SIGLEC5: variants seen among roughly 807,000 people sequenced by gnomAD.
SIGLEC5 encodes the protein sialic acid binding Ig like lectin 5.
SIGLEC5 carries 34 observed loss-of-function variants against 45.9 expected under a neutral mutation model. That is an observed-to-expected ratio of 0.74 (90% CI 0.56 to 0.99). The LOEUF (loss-of-function observed/expected upper bound fraction) is 0.99, where lower values mean the gene tolerates loss of function less well. Among genes scored for constraint, SIGLEC5 ranks in the 50% least tolerant of loss-of-function variants. The probability of loss-of-function intolerance (pLI) is 0.00; values close to 1 mark genes in which losing one functional copy is unlikely to be tolerated. For synonymous variants in SIGLEC5, 203 were observed against 258.6 expected, an observed-to-expected ratio of 0.79 and a Z score of 2.06; for missense variants, 508 against 629.6, an observed-to-expected ratio of 0.81 and a Z score of 2.07.
chr19:51,614,973 CAG>C (rs529379716), intron 8 of SIGLEC5, among the ~76,000 whole-genome samples: 28 of 152,240 alleles, frequency 1.8e-4, no homozygotes, highest in African/African-American at 6.7e-4. Context: ...AACAAAAAAA[CAG>C]AGAGGTTCAT....
chr19:51,619,078 G>A (rs1170137624), intron 8 of SIGLEC5, among the ~76,000 whole-genome samples: 1 of 152,104 alleles, frequency 6.6e-6, no homozygotes, highest in Non-Finnish European at 1.5e-5. Flanking sequence ...TAACACACTG[G>A]ACTGTTAATT....
intron 8 of SIGLEC5, among the ~76,000 whole-genome samples, chr19:51,616,149 C>A (rs1464142938): frequency 2.0e-5 from 3 of 152,174 alleles, no homozygotes; most frequent in African/African-American, 7.2e-5. Flanking sequence ...AGAAACACTG[C>A]CAGAGTAGCC....
intron 8 of SIGLEC5, among the ~76,000 whole-genome samples, chr19:51,618,576 G>A (rs1983161075): frequency 6.6e-6 from 1 of 151,150 alleles, no homozygotes; most frequent in Admixed American, 6.6e-5. Context: ...CAGATCACTT[G>A]AGCCCAGGAG....
Position 51,619,445 on chromosome 19 carries a change from A to G in SIGLEC5, c.1464+6587T>C, listed in dbSNP as rs1055355909. Among the ~76,000 whole-genome samples the G allele has an allele frequency of 4.6e-5, 7 of 152,216 alleles. No homozygotes were observed. In the East Asian group the frequency reaches 1.3e-3, roughly 29 times the overall value. On this transcript the variant is annotated intron_variant, in intron 8 of 8. Transcript: ENST00000683636. ...CAAAAATTCATTGTATACAGGCCAC[A>G]GATCAAGTCTCAACAAATTTTAAAA... is the stretch of plus-strand genomic sequence containing the variant.
intron 8 of SIGLEC5, among the ~76,000 whole-genome samples, chr19:51,619,090 A>G (rs1983183913): frequency 6.6e-6 from 1 of 152,160 alleles, no homozygotes; most frequent in African/African-American, 2.4e-5. Context: ...CTGTTAATTT[A>G]AGAAATAAAA....
Position 51,626,223 on chromosome 19 carries a change from C to T in SIGLEC5, c.1383-110G>A, listed in dbSNP as rs548998635. 39 of 807,040 alleles carry T rather than the reference C, an allele frequency of 4.8e-5. 1 individual carries two copies. The East Asian group carries it at 7.5e-4, about 16-fold the overall frequency. The allele number at this position is 807,040 out of a possible 1,614,324, so 50.0% of individuals were successfully genotyped here. On this transcript the variant is annotated intron_variant, in intron 7 of 8. Transcript: ENST00000683636. ...AATGACAATGAAGCCATCCAGGCCC[C>T]GGAACTAAACTCGGAGACCTTCCTG...
At position 51,627,924 on chromosome 19, in the gene SIGLEC5, G is replaced by C; in HGVS notation, c.907C>G (p.Arg303Gly). ...CCTCCTTCTTCTGCAGACCTTACTC[G>C]ACGAAGCTCCAAGATCCCGGTATTG... ...ISNTGILELR[R>G]VRSAEEGGFT... Residue 303 changes from arginine (R) to glycine (G), a missense_variant, in exon 5 of 9, where the codon CGA (arginine) becomes GGA (glycine). By Grantham distance (125) the Arg-to-Gly change is moderately radical. Transcript: ENST00000683636. 23 of 1,614,104 alleles carry C rather than the reference G, an allele frequency of 1.4e-5. No individual in the cohort carries two copies. The highest frequency in any genetic ancestry group is 1.9e-5 in the Non-Finnish European group (23 of 1,180,000).
chr19:51,615,287 T>C (rs1015057509), intron 8 of SIGLEC5, among the ~76,000 whole-genome samples: 1 of 152,132 alleles, frequency 6.6e-6, no homozygotes, highest in African/African-American at 2.4e-5. Flanking sequence ...ATCACACTGA[T>C]ATCCCTAGGG....
rs766651781 is a variant in SIGLEC5, at chr19:51,629,957, C to G, written c.297G>C (p.Lys99Asn). 1.9e-6 allele frequency: 2 copies of G among 1,043,760 alleles called. No individual in the cohort carries two copies. The highest frequency in any genetic ancestry group is 2.8e-6 in the Non-Finnish European group (2 of 724,668). The allele number at this position is 1,043,760 out of a possible 1,614,324, so 64.7% of individuals were successfully genotyped here. Residue 99 changes from lysine to asparagine, a missense_variant, in exon 2 of 9, where the codon AAG becomes AAC. Physicochemically the swap from Lys to Asn is moderately conservative, Grantham distance 94. This residue lies in a region of SIGLEC5 where 77 missense variants were observed against 200.8 expected (regional missense o/e 0.38). Coordinates refer to ENST00000683636, the MANE Select transcript of SIGLEC5 (RefSeq NM_003830.4). ...RFRLLGDVQK[K>N]NCSLSIGDAR... ...CATCTCCGATGCTCAGGGAGCAGTT[C>G]TTCTTCTGGACATCCCCAAGGAGGC...
rs571255842 is a variant in SIGLEC5 at position 51,627,232 on chromosome 19, C to G, written c.1299G>C (p.Gly433=). The G allele has an allele frequency of 6.2e-7, 1 of 1,614,090 alleles. No homozygotes were observed. Among genetic ancestry groups the G allele is most frequent in the East Asian group, 2.2e-5 (1 of 44,884 alleles). ...CAAGGGCTGCAGGAACCACTCCTGT[C>G]CCGAGGTTCGATCTCCCTGCAGAAA... The part of the protein sequence containing the change: ...VLLLQGRSNL[G]TGVVPAALGG... Residue 433 remains glycine, a synonymous_variant, in exon 7 of 9, where the codon GGG becomes GGC. Transcript: ENST00000683636.
rs181816648 is a variant in SIGLEC5, at chr19:51,612,241, G to A, written c.1646C>T (p.Thr549Ile). Residue 549 changes from threonine (T) to isoleucine (I), a missense_variant, in exon 9 of 9, where the codon ACA becomes ATA. Transcript: ENST00000683636. Reference protein sequence around the residue: ...PSTTEYSEIKTSK With the variant: ...PSTTEYSEIKISK ...ACTCTGGGCAAATCCTCACTTGCTT[G>A]TCTTGATCTCCGAGTACTCCGTGGT... The A allele has an allele frequency of 3.8e-6, 6 of 1,599,704 alleles. No homozygotes were observed. The African/African-American group carries it at 8.0e-5, about 21-fold the overall frequency.
intron 8 of SIGLEC5, among the ~76,000 whole-genome samples, chr19:51,615,874 T>C (rs1983035021): frequency 1.3e-5 from 2 of 152,170 alleles, no homozygotes; most frequent in Non-Finnish European, 2.9e-5. Context: ...CCTCCCAGGT[T>C]CAAGAGATTC....
At chr19:51,613,476 G>A (rs947146126) in intron 8 of SIGLEC5, among the ~76,000 whole-genome samples, 2 of 152,046 alleles carry the variant, frequency 1.3e-5, no homozygotes, top group African/African-American at 4.8e-5. Context: ...CTAGGTCAGG[G>A]TCTATGTCTG....
intron 8 of SIGLEC5, among the ~76,000 whole-genome samples, chr19:51,614,883 G>A (rs1982995482): frequency 6.6e-6 from 1 of 152,186 alleles, no homozygotes; most frequent in Non-Finnish European, 1.5e-5. Flanking sequence ...CTCCCTGTGA[G>A]CTTGCCACTT....
intron 8 of SIGLEC5, chr19:51,621,331 A>C (rs547208842): frequency 6.6e-6 from 1 of 152,356 alleles, no homozygotes; most frequent in African/African-American, 2.4e-5. Flanking sequence ...CTATTCTTCA[A>C]ACCATCCATA....
At chr19:51,624,023 G>A (rs1293164415) in intron 8 of SIGLEC5, among the ~76,000 whole-genome samples, 1 of 152,068 alleles carries the variant, frequency 6.6e-6, no homozygotes, top group Non-Finnish European at 1.5e-5. Context: ...GCCTTGCGTG[G>A]TGGTACATGC....
At chr19:51,623,744 G>A (rs1332401311) in intron 8 of SIGLEC5, among the ~76,000 whole-genome samples, 2 of 152,148 alleles carry the variant, frequency 1.3e-5, no homozygotes, top group African/African-American at 4.8e-5. Context: ...CATGCCCAGC[G>A]ATGCGGCAAC....
intron 8 of SIGLEC5, among the ~76,000 whole-genome samples, chr19:51,613,226 G>A (rs1439850605): frequency 1.3e-5 from 2 of 152,262 alleles, no homozygotes; most frequent in East Asian, 3.9e-4. Flanking sequence ...TCAGGCAGCA[G>A]GTGGTGTGCC....
At chr19:51,621,239 G>A (rs1244336141) in intron 8 of SIGLEC5, 4 of 152,170 alleles carry the variant, frequency 2.6e-5, no homozygotes, top group Non-Finnish European at 5.9e-5. Context: ...GAACCCAGCT[G>A]AGAAATTCAA....
Sources: gnomAD v4.1 joint callset for allele counts (sites outside exome capture counted in the v4.1 genomes callset) on GRCh38, gnomAD v4.1.1 for gene constraint, gnomAD v4.1.1 regional missense constraint, MANE v1.5 for transcripts, NCBI Gene and HGNC (gene_info 2026-07-23, HGNC 2026-07-21) for gene names.